Variants in SRSF1 observed in about 807,000 individuals in gnomAD.
SRSF1 encodes the protein serine/arginine-rich splicing factor 1.
Under a neutral mutation model 25.9 loss-of-function variants are expected in SRSF1, and 1 was observed. The observed-to-expected ratio is 0.04, with a 90% CI of 0.01 to 0.18. The LOEUF (loss-of-function observed/expected upper bound fraction) is 0.18, where lower values mean the gene tolerates loss of function less well. Ranked by LOEUF, SRSF1 falls within the 10% of genes least tolerant of loss-of-function variation. The pLI, the probability that SRSF1 is intolerant of heterozygous loss-of-function variation, is 1.00. For missense variants in SRSF1, 65 were observed against 350.5 expected, an observed-to-expected ratio of 0.19 and a Z score of 6.50; for synonymous variants, 132 against 126.2, an observed-to-expected ratio of 1.05 and a Z score of -0.31.
chr17:58,006,887 C>A, intron 1 of SRSF1, 57 bp downstream of exon 1: 1 of 1,590,100 alleles, frequency 6.3e-7, no homozygotes. Context: ...GGCCTTGGAG[C>A]CTTCCCCAAC....
chr17:57,995,376 A>G, the SRSF1 span, among the ~76,000 whole-genome samples: 1 of 152,332 alleles, frequency 6.6e-6, no homozygotes, highest in Admixed American at 6.5e-5. Flanking sequence ...GGCCCCAGCC[A>G]CTGTGTGACC....
chr17:57,999,761 CA>C (rs1207769093), downstream of SRSF1, among the ~76,000 whole-genome samples: 3 of 151,970 alleles, frequency 2.0e-5, no homozygotes, highest in East Asian at 5.8e-4. Context: ...AACAAACAAA[CA>C]AAAAAAATTA....
downstream of SRSF1, among the ~76,000 whole-genome samples, chr17:58,000,733 C>A (rs1021389338): frequency 7.9e-5 from 12 of 152,156 alleles, no homozygotes; most frequent in Non-Finnish European, 1.5e-4. Flanking sequence ...ACAGTTCCTA[C>A]AATCCCTTAT....
At chr17:57,997,271 T>G (rs577827733), downstream of SRSF1, among the ~76,000 whole-genome samples, 1 of 152,286 alleles carries the variant, frequency 6.6e-6, no homozygotes, top group South Asian at 2.1e-4. Flanking sequence ...TTAGATTAAT[T>G]CAAATTTTCT....
the SRSF1 span, chr17:57,989,643 A>G: frequency 2.5e-6 from 1 of 398,566 alleles, no homozygotes; most frequent in Non-Finnish European, 4.4e-6. Flanking sequence ...TCCTCCCCTC[A>G]GTCACCAGAA....
In SRSF1 at chr17:58,001,874, A is replaced by G. The variant is rs983968469; in HGVS notation, c.*3532T>C. Among the ~76,000 whole-genome samples, 3 of 152,218 alleles carry G rather than the reference A, an allele frequency of 2.0e-5. No homozygotes were observed. The highest frequency in any genetic ancestry group is 2.9e-5 in the Non-Finnish European group (2 of 68,026). On this transcript the variant is annotated 3_prime_UTR_variant, in exon 4 of 4. Transcript: ENST00000258962. Reference sequence around the variant, plus strand: ...TCTCTAATCTTCAAATTCAGCCTGTATAACAAGGAATACTGTCTCATTTCA... The same window carrying G: ...TCTCTAATCTTCAAATTCAGCCTGTGTAACAAGGAATACTGTCTCATTTCA...
At chr17:57,993,937 C>T in the SRSF1 span, 1 of 152,210 alleles carries the variant, frequency 6.6e-6, no homozygotes, top group African/African-American at 2.4e-5. Flanking sequence ...ACTTTCTCCC[C>T]TTTCATTCAG....
downstream of SRSF1, among the ~76,000 whole-genome samples, chr17:57,999,483 C>G (rs1045897279): frequency 6.6e-6 from 1 of 152,034 alleles, no homozygotes; most frequent in African/African-American, 2.4e-5. Flanking sequence ...CTCTGAAAAC[C>G]TAAATGGATG....
rs2075410807 is a variant in SRSF1 at position 58,004,125 on chromosome 17, A to G, written c.*1281T>C. The G allele has an allele frequency of 6.5e-6, 1 of 152,678 alleles. No individual in the cohort carries two copies. The highest frequency in any genetic ancestry group is 2.4e-5 in the African/African-American group (1 of 41,470). The allele number at this position is 152,678 out of a possible 1,614,324, so 9.5% of individuals were successfully genotyped here. On this transcript the variant is annotated 3_prime_UTR_variant, in exon 4 of 4. Transcript: ENST00000258962. ...TAACAGATGCACATCAATAACTATC[A>G]AATTCCCCAAAACAAGTTTCTGAAT...
downstream of SRSF1, among the ~76,000 whole-genome samples, chr17:57,996,483 T>TTAAAAAAAAA (rs538866531): frequency 6.6e-3 from 476 of 72,378 alleles, 18 homozygotes; most frequent in African/African-American, 8.9e-3. Flanking sequence ...GACACTGTCT[T>TTAAAAAAAAA]AAAAAAAAAA....
At chr17:57,989,540 G>C in the SRSF1 span, 1 of 397,602 alleles carries the variant, frequency 2.5e-6, no homozygotes. Flanking sequence ...TATGGCTGGA[G>C]AATTCTACTG....
Position 58,006,327 on chromosome 17 carries a change from C to CA in SRSF1, c.379+15dup. On this transcript the variant is annotated intron_variant, in intron 2 of 3. Coordinates refer to ENST00000258962, the MANE Select transcript of SRSF1 (RefSeq NM_006924.5). ...TTTCGTCCCTTCACATCAATCCACACAACCAGTACACTCACCAGAGACAAC... is the reference window on the plus strand; with the variant it reads ...TTTCGTCCCTTCACATCAATCCACACAAACCAGTACACTCACCAGAGACAAC... 6.3e-7 allele frequency: 1 copy of CA among 1,599,052 alleles called. No individual in the cohort carries two copies.
At position 58,001,254 on chromosome 17, in the gene SRSF1, A is replaced by G. The variant is rs956758025; in HGVS notation, c.*4152T>C. Among the ~76,000 whole-genome samples the G allele has an allele frequency of 8.5e-5, 13 of 152,208 alleles. No homozygotes were observed. Among genetic ancestry groups the G allele is most frequent in the African/African-American group, 2.7e-4 (11 of 41,456 alleles). On this transcript the variant is annotated 3_prime_UTR_variant, in exon 4 of 4. Coordinates refer to ENST00000258962, the MANE Select transcript of SRSF1 (RefSeq NM_006924.5). Reference sequence around the variant, plus strand: ...CCTAATGACCAAGACAATGTTTCAAAGACAACAAACACCAAGAAAAGTTGA... The same window carrying G: ...CCTAATGACCAAGACAATGTTTCAAGGACAACAAACACCAAGAAAAGTTGA...
At position 58,004,185 on chromosome 17, in the gene SRSF1, T is replaced by C. The variant is rs957422917; in HGVS notation, c.*1221A>G. ...ATAAATTTTAGAAACTTAATCATCA[T>C]AGAGACTAATTGGAAGAAGCATTTT... On this transcript the variant is annotated 3_prime_UTR_variant, in exon 4 of 4. Transcript: ENST00000258962. 3 of 152,644 alleles carry C rather than the reference T, an allele frequency of 2.0e-5. No individual in the cohort carries two copies. Among genetic ancestry groups the C allele is most frequent in the African/African-American group, 4.8e-5 (2 of 41,462 alleles). The allele number at this position is 152,644 out of a possible 1,614,324, so 9.5% of individuals were successfully genotyped here.
In SRSF1 at chr17:58,002,921, G is replaced by A. The variant is rs375744288; in HGVS notation, c.*2485C>T. 2.0e-5 allele frequency among the ~76,000 whole-genome samples: 3 copies of A among 152,272 alleles called. No individual in the cohort carries two copies. The highest frequency in any genetic ancestry group is 1.9e-4 in the East Asian group (1 of 5,186). On this transcript the variant is annotated 3_prime_UTR_variant, in exon 4 of 4. Coordinates refer to ENST00000258962, the MANE Select transcript of SRSF1 (RefSeq NM_006924.5). ...TCAGCTACTTGGGAGACTGAGGCAC[G>A]AGAATCACTCAAATCCAGGGGTGGA...
chr17:58,006,264 T>C (rs2075426552), intron 2 of SRSF1, 79 bp downstream of exon 2: 1 of 1,502,890 alleles, frequency 6.7e-7, no homozygotes, highest in East Asian at 2.3e-5. Flanking sequence ...AATTTGCAAT[T>C]ATTAAACCTG....
At chr17:57,989,313 G>C in the SRSF1 span, 1 of 398,634 alleles carries the variant, frequency 2.5e-6, no homozygotes, top group Non-Finnish European at 4.4e-6. Context: ...AGTGTCTCTA[G>C]TCCAAGACAT....
downstream of SRSF1, among the ~76,000 whole-genome samples, chr17:57,999,617 C>T (rs75154807): frequency 8.3e-3 from 1,259 of 152,272 alleles, 9 homozygotes; most frequent in Middle Eastern, 0.02. Context: ...GTTAGCTGGT[C>T]TCTACTTTGT....
chr17:57,993,592 G>C, the SRSF1 span: 1 of 152,240 alleles, frequency 6.6e-6, no homozygotes, highest in Non-Finnish European at 1.5e-5. Flanking sequence ...CTTCACCCTT[G>C]GTTGCCTGAG....
Sources: allele counts gnomAD v4.1 joint callset (sites outside exome capture counted in the v4.1 genomes callset), GRCh38; gene constraint gnomAD v4.1.1; transcripts MANE v1.5; gene names NCBI Gene and HGNC (gene_info 2026-07-23, HGNC 2026-07-21).